KAZN: variants seen among roughly 807,000 people sequenced by gnomAD.
KAZN encodes the protein kazrin.
Under a neutral mutation model 87.4 loss-of-function variants are expected in KAZN, and 40 were observed. The ratio of observed to expected loss-of-function variants is 0.46; its 90% confidence interval spans 0.36 to 0.60. The LOEUF is 0.60. Among genes scored for constraint, KAZN ranks in the 20% least tolerant of loss-of-function variants. KAZN has a pLI of 0.00. For missense variants in KAZN, 898 were observed against 1,073.9 expected (o/e 0.84, Z 2.29); for synonymous variants, 466 against 458.3 (o/e 1.02, Z -0.22).
At chr1:14,396,976 T>G (rs992142045) in intron 2 of KAZN, among the ~76,000 whole-genome samples, 1 of 152,164 alleles carries the variant, frequency 6.6e-6, no homozygotes, top group Non-Finnish European at 1.5e-5. Context: ...TGTCTCCATC[T>G]CTATTCCTAC....
At chr1:14,757,800 G>A (rs143293840) in intron 1 of KAZN, among the ~76,000 whole-genome samples, 30 of 152,286 alleles carry the variant, frequency 2.0e-4, no homozygotes, top group South Asian at 1.5e-3. Flanking sequence ...TACATCTTGC[G>A]TATGGATTAA....
At chr1:14,386,232 A>T (rs1417759053) in intron 2 of KAZN, among the ~76,000 whole-genome samples, 4 of 147,228 alleles carry the variant, frequency 2.7e-5, no homozygotes, top group Non-Finnish European at 6.0e-5. Context: ...GGGTTTCCTG[A>T]ATACAGCACA....
chr1:14,925,927 GTT>G (rs1557627185), intron 1 of KAZN, among the ~76,000 whole-genome samples: 1 of 152,172 alleles, frequency 6.6e-6, no homozygotes, highest in Admixed American at 6.5e-5. Flanking sequence ...AGATGGGAGA[GTT>G]TGGTCAAGTT....
chr1:14,106,165 C>T (rs1170229037), intron 1 of KAZN, among the ~76,000 whole-genome samples: 1 of 152,188 alleles, frequency 6.6e-6, no homozygotes, highest in Non-Finnish European at 1.5e-5. Context: ...CAGAAAATAC[C>T]TACACTCTCC....
chr1:14,376,865 T>TA (rs1660957606), intron 2 of KAZN, among the ~76,000 whole-genome samples: 1 of 152,222 alleles, frequency 6.6e-6, no homozygotes, highest in Non-Finnish European at 1.5e-5. Flanking sequence ...AACAACAAAC[T>TA]AAAAATTATT....
chr1:14,276,414 A>G (rs577189394), intron 2 of KAZN, among the ~76,000 whole-genome samples: 1 of 152,240 alleles, frequency 6.6e-6, no homozygotes, highest in Non-Finnish European at 1.5e-5. Context: ...TTAACAAAGT[A>G]CCAAAAACAA....
At chr1:13,907,444 C>A (rs536119013) in intron 1 of KAZN, among the ~76,000 whole-genome samples, 489 of 149,602 alleles carry the variant, frequency 3.3e-3, no homozygotes, top group African/African-American at 0.011. Flanking sequence ...CCAGGCCTGG[C>A]AGAATGAGTG....
At chr1:14,245,500 C>A (rs912449629) in intron 2 of KAZN, among the ~76,000 whole-genome samples, 1 of 152,034 alleles carries the variant, frequency 6.6e-6, no homozygotes, top group Non-Finnish European at 1.5e-5. Context: ...TTAAACACTT[C>A]GGCAGTTTCA....
chr1:14,945,817 A>G lies in KAZN; in HGVS notation c.227-14867A>G, dbSNP rs1453545452. On this transcript the variant is annotated intron_variant, in intron 1 of 14. Coordinates refer to ENST00000376030, the MANE Select transcript of KAZN (RefSeq NM_201628.3). ...CCACGGCCTCGAGAGCCTCCCACCA[A>G]AGGGCAAGTGTCCGCTCCGGCCCGG... 3 of 964,252 alleles carry G rather than the reference A, an allele frequency of 3.1e-6. No individual in the cohort carries two copies. In the African/African-American group the frequency reaches 5.3e-5, roughly 17 times the overall value. The allele number at this position is 964,252 out of a possible 1,614,324, so 59.7% of individuals were successfully genotyped here. A position where few individuals can be genotyped will look rare whatever the true frequency, so the allele number is the denominator to read the frequency against.
At chr1:14,523,189 G>A (rs534121380) in intron 2 of KAZN, among the ~76,000 whole-genome samples, 15 of 152,322 alleles carry the variant, frequency 9.8e-5, no homozygotes, top group African/African-American at 3.6e-4. Flanking sequence ...AACCCCCTGA[G>A]CCTGGCCAGA....
intron 1 of KAZN, among the ~76,000 whole-genome samples, chr1:14,956,315 A>AAAAAAC (rs1265275377): frequency 5.3e-5 from 8 of 151,650 alleles, no homozygotes; most frequent in African/African-American, 1.9e-4. Context: ...AAAAAAAAAA[A>AAAAAAC]AAGACCCAGC....
At chr1:14,672,045 C>T (rs1202325125) in intron 1 of KAZN, among the ~76,000 whole-genome samples, 1 of 152,212 alleles carries the variant, frequency 6.6e-6, no homozygotes, top group African/African-American at 2.4e-5. Context: ...AAATGAACAT[C>T]CTTGCCTCAG....
rs1404715877 is a variant in KAZN at position 14,418,966 on chromosome 1, CTCT to C, written c.250-180015_250-180013del. Among the ~76,000 whole-genome samples the C allele has an allele frequency of 2.6e-5, 4 of 152,214 alleles. No homozygotes were observed. The East Asian group carries it at 7.7e-4, about 29-fold the overall frequency. ...CACCCAGAAACTGTCCCCCTGTGAACTCTTGTCTGAAAACTTCTAGCCTGCCAT... is the reference window on the plus strand; with the variant it reads ...CACCCAGAAACTGTCCCCCTGTGAACTGTCTGAAAACTTCTAGCCTGCCAT... On this transcript the variant is annotated intron_variant, in intron 2 of 16. Coordinates refer to the KAZN transcript ENST00000636203.
chr1:14,604,612 G>T (rs749996725), intron 1 of KAZN, among the ~76,000 whole-genome samples: 21 of 152,388 alleles, frequency 1.4e-4, no homozygotes, highest in Non-Finnish European at 2.6e-4. Context: ...AAACATGAAA[G>T]AAGCTGAACA....
At chr1:13,914,250 C>T (rs572557363) in intron 1 of KAZN, among the ~76,000 whole-genome samples, 3 of 152,214 alleles carry the variant, frequency 2.0e-5, no homozygotes, top group Admixed American at 6.5e-5. Context: ...GCCCTCCTGC[C>T]GTGCCTCAGG....
chr1:14,639,859 G>A (rs1318093437), intron 1 of KAZN, among the ~76,000 whole-genome samples: 1 of 152,048 alleles, frequency 6.6e-6, no homozygotes, highest in Non-Finnish European at 1.5e-5. Context: ...AGGGCTCCTC[G>A]TCTCCATCGA....
intron 1 of KAZN, among the ~76,000 whole-genome samples, chr1:14,782,554 CAAAAAAAAAAAAA>C (rs71572122): frequency 1.4e-3 from 90 of 66,268 alleles, no homozygotes; most frequent in Middle Eastern, 0.017. Flanking sequence ...CCTCAAAGAG[CAAAAAAAAAAAAA>C]AAAAAAAAAA....
chr1:13,901,995 G>T (rs1203709), intron 1 of KAZN, among the ~76,000 whole-genome samples: 49,851 of 152,198 alleles, frequency 0.33, 8,281 homozygotes, highest in Admixed American at 0.44. Flanking sequence ...AGGCATTTCA[G>T]TTTTGGACCC....
rs56000715 is a variant in KAZN, at chr1:14,833,969, TCACACACACACACACACACACACA to T, written c.227-126698_227-126675del. On this transcript the variant is annotated intron_variant, in intron 1 of 14. Transcript: ENST00000376030. ...GGACTCTGCTGTCCTCCCAAGTCAT[TCACACACACACACACACACACACA>T]CACACACACACACACATACACACAC... Among the ~76,000 whole-genome samples the T allele has an allele frequency of 5.8e-4, 82 of 141,962 alleles. 2 individuals are homozygous for T. In the South Asian group the frequency reaches 0.018, roughly 30 times the overall value. 93.1% of individuals were successfully genotyped at this position (141,962 alleles called of 152,430 possible). A position where few individuals can be genotyped will look rare whatever the true frequency, so the allele number is the denominator to read the frequency against.
Sources: gnomAD v4.1 joint callset for allele counts (sites outside exome capture counted in the v4.1 genomes callset) on GRCh38, gnomAD v4.1.1 for gene constraint, MANE v1.5 for transcripts, NCBI Gene and HGNC (gene_info 2026-07-23, HGNC 2026-07-21) for gene names.